SCTR: variants seen among roughly 807,000 people sequenced by gnomAD.
The protein encoded by SCTR is secretin receptor.
Under a neutral mutation model 60.8 loss-of-function variants are expected in SCTR, and 56 were observed. That is an observed-to-expected ratio of 0.92 (90% confidence interval 0.74 to 1.15). The LOEUF is 1.15. Ranked by LOEUF, SCTR falls within the 50% of genes most tolerant of loss-of-function variation. The pLI, the probability that SCTR is intolerant of heterozygous loss-of-function variation, is 0.00. For missense variants in SCTR, 562 were observed against 550.4 expected (o/e 1.02, Z -0.21); for synonymous variants, 202 against 217.0 (o/e 0.93, Z 0.61).
chr2:119,488,071 AC>A (rs1677956317), intron 2 of SCTR, among the ~76,000 whole-genome samples: 1 of 151,906 alleles, frequency 6.6e-6, no homozygotes, highest in Admixed American at 6.6e-5. Context: ...CTGGCTTCTG[AC>A]CCCCTCAGTG....
intron 2 of SCTR, among the ~76,000 whole-genome samples, chr2:119,489,180 A>G (rs376348617): frequency 6.6e-6 from 1 of 152,110 alleles, no homozygotes; most frequent in African/African-American, 2.4e-5. Context: ...CTCTCCCCCA[A>G]GGTTAGACCC....
At chr2:119,485,549 T>A (rs902604391) in intron 2 of SCTR, among the ~76,000 whole-genome samples, 2 of 152,214 alleles carry the variant, frequency 1.3e-5, no homozygotes, top group African/African-American at 4.8e-5. Context: ...AACCTGGGAC[T>A]ATTTCTGGAG....
At chr2:119,462,524 T>C (rs1558846887) in intron 6 of SCTR, among the ~76,000 whole-genome samples, 1 of 152,194 alleles carries the variant, frequency 6.6e-6, no homozygotes, top group Non-Finnish European at 1.5e-5. Flanking sequence ...TCTCCACATA[T>C]CTGATGGGGA....
At chr2:119,492,832 A>ATATTTATT (rs71788049) in intron 2 of SCTR, among the ~76,000 whole-genome samples, 12 of 147,172 alleles carry the variant, frequency 8.2e-5, no homozygotes, top group South Asian at 2.1e-4. Flanking sequence ...TACTTTTTTA[A>ATATTTATT]TATTTATTTA....
chr2:119,446,324 G>A (rs1458876488), intron 11 of SCTR, among the ~76,000 whole-genome samples: 1 of 152,050 alleles, frequency 6.6e-6, no homozygotes, highest in Non-Finnish European at 1.5e-5. Flanking sequence ...GGAGTTTTCA[G>A]TCTAGGGCAT....
chr2:119,449,357 C>T (rs967302923), intron 9 of SCTR, among the ~76,000 whole-genome samples: 1 of 152,194 alleles, frequency 6.6e-6, no homozygotes, highest in African/African-American at 2.4e-5. Context: ...GATTACTTCC[C>T]TTTCCTGATT....
At chr2:119,441,843 C>T (rs1033946850) in intron 11 of SCTR, among the ~76,000 whole-genome samples, 5 of 150,210 alleles carry the variant, frequency 3.3e-5, no homozygotes, top group Non-Finnish European at 5.9e-5. Flanking sequence ...CTTTTGAACA[C>T]ATATGGTGTC....
chr2:119,511,116 T>C (rs528288835), intron 1 of SCTR, among the ~76,000 whole-genome samples: 1 of 151,788 alleles, frequency 6.6e-6, no homozygotes. Flanking sequence ...GGCAGGAGAA[T>C]GGTGTGAACT....
chr2:119,500,707 G>T (rs1678515041), intron 1 of SCTR, among the ~76,000 whole-genome samples: 1 of 152,198 alleles, frequency 6.6e-6, no homozygotes, highest in South Asian at 2.1e-4. Flanking sequence ...TAGATGGGTG[G>T]TTACCAGAGG....
rs149568444 is a variant in SCTR at position 119,494,522 on chromosome 2, G to A, written c.99C>T (p.Asp33=). ...HSTGALPRLC[D]VLQVLWEEQD... ...GCTCTTCCCACAGCACTTGTAGCAC[G>A]TCACATAGTCGGGGAAGGGCTCCAG... Residue 33 remains aspartate, a synonymous_variant, in exon 2 of 13, where the codon GAC becomes GAT. Coordinates refer to ENST00000019103, the MANE Select transcript of SCTR (RefSeq NM_002980.3). 34 of 1,614,014 alleles carry A rather than the reference G, an allele frequency of 2.1e-5. No individual in the cohort carries two copies. Among genetic ancestry groups the A allele is most frequent in the Middle Eastern group, 1.6e-4 (1 of 6,062 alleles).
chr2:119,502,024 G>T (rs565910979), intron 1 of SCTR, among the ~76,000 whole-genome samples: 1 of 152,330 alleles, frequency 6.6e-6, no homozygotes, highest in South Asian at 2.1e-4. Context: ...GGGCGGCCAA[G>T]GTAGGTGGAT....
chr2:119,522,166 C>G (rs1265385354), intron 1 of SCTR, among the ~76,000 whole-genome samples: 1 of 152,120 alleles, frequency 6.6e-6, no homozygotes, highest in Admixed American at 6.5e-5. Flanking sequence ...CATGGTGGCA[C>G]ATGCCTGTAA....
At chr2:119,524,043 C>A in intron 1 of SCTR, 112 bp downstream of exon 1, 1 of 796,124 alleles carries the variant, frequency 1.3e-6, no homozygotes, top group East Asian at 2.9e-5. Context: ...GTCCCTATTC[C>A]TCATGGGAAG....
chr2:119,472,700 G>A (rs541063183), intron 4 of SCTR, among the ~76,000 whole-genome samples: 8 of 152,204 alleles, frequency 5.3e-5, no homozygotes, highest in Admixed American at 2.0e-4. Flanking sequence ...AGAGTGCAGC[G>A]ACACAATCAC....
chr2:119,517,831 C>T (rs1348232442), intron 1 of SCTR, among the ~76,000 whole-genome samples: 1 of 152,146 alleles, frequency 6.6e-6, no homozygotes, highest in East Asian at 1.9e-4. Context: ...CTCTCTTCCA[C>T]TTGGATGCTG....
chr2:119,497,233 G>A (rs1031503948), intron 1 of SCTR, among the ~76,000 whole-genome samples: 6 of 152,146 alleles, frequency 3.9e-5, no homozygotes, highest in Non-Finnish European at 7.4e-5. Flanking sequence ...CTTATCATCA[G>A]TCACTAGGCT....
chr2:119,521,842 C>T (rs1297481281), intron 1 of SCTR, among the ~76,000 whole-genome samples: 1 of 151,990 alleles, frequency 6.6e-6, no homozygotes, highest in African/African-American at 2.4e-5. Flanking sequence ...GGAAATATTC[C>T]AACCAAAGTA....
chr2:119,483,039 C>T (rs538491378), intron 2 of SCTR, among the ~76,000 whole-genome samples: 1 of 152,366 alleles, frequency 6.6e-6, no homozygotes, highest in Admixed American at 6.5e-5. Flanking sequence ...AGATTCAGTG[C>T]TGGCTGGACT....
At chr2:119,456,551 T>C (rs1337186291) in intron 7 of SCTR, among the ~76,000 whole-genome samples, 2 of 151,968 alleles carry the variant, frequency 1.3e-5, no homozygotes, top group East Asian at 3.9e-4. Context: ...ACAGGATTTG[T>C]GGAAGAAGGT....
Sources: allele counts gnomAD v4.1 joint callset (sites outside exome capture counted in the v4.1 genomes callset), GRCh38; gene constraint gnomAD v4.1.1; transcripts MANE v1.5; gene names NCBI Gene and HGNC (gene_info 2026-07-23, HGNC 2026-07-21).